MYCBP2: variants seen among roughly 807,000 people sequenced by gnomAD.
The protein encoded by MYCBP2 is E3 ubiquitin-protein ligase MYCBP2.
A neutral mutation model predicts 525.3 loss-of-function variants in MYCBP2; 120 were observed. The ratio of observed to expected loss-of-function variants is 0.23; its 90% CI spans 0.20 to 0.27. The LOEUF (loss-of-function observed/expected upper bound fraction) is 0.27, where lower values mean the gene tolerates loss of function less well. Ranked by LOEUF, MYCBP2 falls within the 10% of genes least tolerant of loss-of-function variation. The probability of loss-of-function intolerance (pLI) is 1.00; values close to 1 mark genes in which losing one functional copy is unlikely to be tolerated. For missense variants in MYCBP2, 4,149 were observed against 5,657.1 expected, an observed-to-expected ratio of 0.73 and a Z score of 8.55; for synonymous variants, 1,894 against 1,955.8, an observed-to-expected ratio of 0.97 and a Z score of 0.83.
intron 52 of MYCBP2, among the ~76,000 whole-genome samples, chr13:77,130,304 CT>C (rs1332827033): frequency 2.0e-5 from 3 of 150,564 alleles, no homozygotes; most frequent in Non-Finnish European, 4.4e-5. Context: ...GATAATGAAA[CT>C]TTTCTCATTA....
intron 23 of MYCBP2, among the ~76,000 whole-genome samples, chr13:77,209,246 C>A (rs2063698723): frequency 6.6e-6 from 1 of 152,206 alleles, no homozygotes; most frequent in Admixed American, 6.5e-5. Context: ...GAACATCATA[C>A]TTGAGAGTTC....
chr13:77,078,211 C>A (rs1223347799), intron 66 of MYCBP2, among the ~76,000 whole-genome samples: 1 of 152,276 alleles, frequency 6.6e-6, no homozygotes, highest in East Asian at 1.9e-4. Context: ...AGTCCAAAAT[C>A]TTAATTGATT....
intron 26 of MYCBP2, among the ~76,000 whole-genome samples, chr13:77,196,564 G>A (rs2061772266): frequency 6.6e-6 from 1 of 152,196 alleles, no homozygotes; most frequent in Non-Finnish European, 1.5e-5. Flanking sequence ...TATTTTGAAA[G>A]TGGAAACGAT....
At position 77,326,550 on chromosome 13, in the gene MYCBP2, G is replaced by A. The variant is rs2082339303; in HGVS notation, c.226C>T (p.Arg76Cys). 6.3e-7 allele frequency: 1 copy of A among 1,597,654 alleles called. No individual in the cohort carries two copies. The highest frequency in any genetic ancestry group is 8.5e-7 in the Non-Finnish European group (1 of 1,172,686). Residue 76 changes from arginine (R) to cysteine (C), a missense_variant, in exon 1 of 83, where the codon CGC becomes TGC. Arg to Cys is a radical substitution (Grantham distance 180). Transcript: ENST00000544440. This position sits in a 1 kb window ranked among gnomAD's most constrained non-coding sequence, Gnocchi z 4.2. ...GCAGCGGTATAAATCCTCCGGTAGC[G>A]GTCGGCCAGGGCCCGGCCTGACAGC... ...LLLSGRALADRYRRIYTAALN... is the reference protein window; with the variant it reads ...LLLSGRALADCYRRIYTAALN...
At position 77,084,927 on chromosome 13, in the gene MYCBP2, G is replaced by A. The variant is rs550532443; in HGVS notation, c.10876-1735C>T. Reference sequence around the variant, plus strand: ...TTTGATCTCTGCCAACACAACTGACGTACTCTGCTTGGGCTCTTTTCCCAA... The same window carrying A: ...TTTGATCTCTGCCAACACAACTGACATACTCTGCTTGGGCTCTTTTCCCAA... On this transcript the variant is annotated intron_variant, in intron 62 of 82. Transcript: ENST00000544440. Among the ~76,000 whole-genome samples the A allele has an allele frequency of 9.2e-5, 14 of 151,930 alleles. No individual in the cohort carries two copies. The East Asian group carries it at 2.1e-3, about 23-fold the overall frequency.
At chr13:77,279,521 C>A (rs1269521122) in intron 3 of MYCBP2, among the ~76,000 whole-genome samples, 1 of 152,118 alleles carries the variant, frequency 6.6e-6, no homozygotes, top group Non-Finnish European at 1.5e-5. Context: ...AAACAAAAGA[C>A]AAATTCCATT....
At chr13:77,245,711 C>T (rs1020196178) in intron 15 of MYCBP2, among the ~76,000 whole-genome samples, 1 of 150,566 alleles carries the variant, frequency 6.6e-6, no homozygotes, top group African/African-American at 2.4e-5. Context: ...AACAAACCTG[C>T]ACGTTCTGCA....
At chr13:77,228,529 C>G (rs958109741) in intron 18 of MYCBP2, among the ~76,000 whole-genome samples, 2 of 151,036 alleles carry the variant, frequency 1.3e-5, no homozygotes, top group African/African-American at 4.9e-5. Context: ...AAAATCTGTT[C>G]AAGCTCATTA....
chr13:77,273,556 A>T lies in MYCBP2; in HGVS notation c.861T>A (p.Ala287=). The change falls in exon 5 of 83, where the codon GCT becomes GCA. Residue 287 remains alanine (A), a synonymous_variant. Transcript: ENST00000544440. ...LSCACLFSLV[A]SWGETGRTLQ... ...GTGTCCTTCCTGTTTCTCCCCAAGA[A>T]GCCACCAGACTAAAGAGGCAAGCAC... 6.2e-7 allele frequency: 1 copy of T among 1,613,820 alleles called. No homozygotes were observed. Among genetic ancestry groups the T allele is most frequent in the Non-Finnish European group, 8.5e-7 (1 of 1,179,860 alleles).
At chr13:77,045,862 T>C (rs1268000533) in intron 82 of MYCBP2, among the ~76,000 whole-genome samples, 4 of 152,192 alleles carry the variant, frequency 2.6e-5, no homozygotes, top group Non-Finnish European at 5.9e-5. Context: ...GAACATTATT[T>C]TTCTGAATAG....
chr13:77,124,525 G>A (rs1346382655), intron 54 of MYCBP2, among the ~76,000 whole-genome samples: 1 of 152,110 alleles, frequency 6.6e-6, no homozygotes, highest in Admixed American at 6.5e-5. Context: ...TATAATTCAA[G>A]TTGTATTACA....
chr13:77,298,302 T>A (rs1248557801), intron 1 of MYCBP2, among the ~76,000 whole-genome samples: 2 of 152,224 alleles, frequency 1.3e-5, no homozygotes, highest in Non-Finnish European at 2.9e-5. Context: ...AAGTGTCACT[T>A]AAGTCTAACT....
intron 73 of MYCBP2, among the ~76,000 whole-genome samples, 166 bp from the exon 74 acceptor site, chr13:77,062,863 A>G (rs887689720): frequency 1.3e-5 from 2 of 152,216 alleles, no homozygotes; most frequent in African/African-American, 4.8e-5. Context: ...ATACACGATC[A>G]CTGTCCTATG....
In MYCBP2 at chr13:77,124,374, G is replaced by C. The variant is rs183503241; in HGVS notation, c.8017+962C>G. On this transcript the variant is annotated intron_variant, in intron 54 of 82. Transcript: ENST00000544440. ...ATATTTATGGCCAAATTGCCTCTTGGAATAATAAGTATTATAAATTTATTA... is the reference window on the plus strand; with the variant it reads ...ATATTTATGGCCAAATTGCCTCTTGCAATAATAAGTATTATAAATTTATTA... Among the ~76,000 whole-genome samples the C allele has an allele frequency of 1.6e-3, 236 of 152,150 alleles. 1 individual carries two copies. Among genetic ancestry groups the C allele is most frequent in the South Asian group, 2.9e-3 (14 of 4,804 alleles).
chr13:77,200,138 C>A (rs2062315515), intron 26 of MYCBP2, among the ~76,000 whole-genome samples: 1 of 151,700 alleles, frequency 6.6e-6, no homozygotes, highest in African/African-American at 2.4e-5. Context: ...AAGTTGAAAA[C>A]TTTGAAAAAA....
intron 36 of MYCBP2, 141 bp downstream of exon 36, chr13:77,176,356 C>T: frequency 1.8e-6 from 1 of 567,466 alleles, no homozygotes; most frequent in Non-Finnish European, 2.7e-6. Context: ...GTAGTAGGTA[C>T]TCCATAAATA....
At chr13:77,201,570 C>T (rs2062566800) in intron 26 of MYCBP2, among the ~76,000 whole-genome samples, 1 of 151,386 alleles carries the variant, frequency 6.6e-6, no homozygotes, top group East Asian at 1.9e-4. Context: ...AACTCTCCAC[C>T]CCAAATCAAC....
Position 77,099,026 on chromosome 13 carries a change from T to G in MYCBP2, c.8141-13A>C. The G allele has an allele frequency of 6.3e-7, 1 of 1,593,406 alleles. No homozygotes were observed. The highest frequency in any genetic ancestry group is 8.5e-7 in the Non-Finnish European group (1 of 1,176,772). ...TTTCCTCGATCACCTGTATGGTCCATTTTACAGTGAAACTTATTAATAAAA... is the reference window on the plus strand; with the variant it reads ...TTTCCTCGATCACCTGTATGGTCCAGTTTACAGTGAAACTTATTAATAAAA... On this transcript the variant is annotated splice_polypyrimidine_tract_variant and intron_variant, in intron 55 of 82. Transcript: ENST00000544440.
At position 77,197,035 on chromosome 13, in the gene MYCBP2, G is replaced by A. The variant is rs4267189; in HGVS notation, c.3844-2791C>T. 1.9e-3 allele frequency among the ~76,000 whole-genome samples: 290 copies of A among 152,274 alleles called. 1 individual carries two copies. The highest frequency in any genetic ancestry group is 6.0e-3 in the East Asian group (31 of 5,176). ...CAAAAGAAAAATGAAGTGTAGTGTCGTGGGGGACAAGAGAAGAAAGTATTT... is the reference window on the plus strand; with the variant it reads ...CAAAAGAAAAATGAAGTGTAGTGTCATGGGGGACAAGAGAAGAAAGTATTT... On this transcript the variant is annotated intron_variant, in intron 26 of 82. Transcript: ENST00000544440.
Sources: gnomAD v4.1 joint callset for allele counts (sites outside exome capture counted in the v4.1 genomes callset) on GRCh38, gnomAD v4.1.1 for gene constraint, Gnocchi (gnomAD v3.1) non-coding constraint, MANE v1.5 for transcripts, NCBI Gene and HGNC (gene_info 2026-07-23, HGNC 2026-07-21) for gene names.